Variants in GNAS observed in about 807,000 individuals in gnomAD.
The protein encoded by GNAS is GNAS complex locus, also known as protein ALEX.
A neutral mutation model predicts 54.5 loss-of-function variants in GNAS; 8 were observed. The observed-to-expected ratio is 0.15, with a 90% CI of 0.09 to 0.26. The LOEUF (loss-of-function observed/expected upper bound fraction) is 0.26. GNAS is among the 10% of genes least tolerant of loss of function. GNAS has a pLI of 1.00. For synonymous variants in GNAS, 204 were observed against 191.4 expected, an observed-to-expected ratio of 1.07 and a Z score of -0.54; for missense variants, 170 against 529.8, an observed-to-expected ratio of 0.32 and a Z score of 6.67.
rs6100251 is a variant in GNAS at position 58,847,187 on chromosome 20, C to T, written c.43+6301C>T. Reference sequence around the variant, plus strand: ...AGCTGAGTGAAGGGGTCTGAACTCACGATGGGGGCTTTTTAATCTGAGCAT... The same window carrying T: ...AGCTGAGTGAAGGGGTCTGAACTCATGATGGGGGCTTTTTAATCTGAGCAT... On this transcript the variant is annotated intron_variant, in intron 1 of 12. Transcript: ENST00000306090. Among the ~76,000 whole-genome samples the T allele has an allele frequency of 4.3e-3, 651 of 152,142 alleles. 5 individuals carry two copies. The highest frequency in any genetic ancestry group is 0.017 in the Middle Eastern group (5 of 294).
Position 58,891,678 on chromosome 20 carries a change from G to GCCCGCCGCCGCCGCAGCCCGGCCGCGC in GNAS, c.-34_-8dup, listed in dbSNP as rs756216026. ...TCCCGGCCCGCGTGAGGCCGCCCGC[G>GCCCGCCGCCGCCGCAGCCCGGCCGCGC]CCCGCCGCCGCCGCAGCCCGGCCGC... On this transcript the variant is annotated 5_prime_UTR_variant, in exon 1 of 13. Coordinates refer to ENST00000371085, the MANE Select transcript of GNAS (RefSeq NM_000516.7). 5.9e-5 allele frequency: 57 copies of GCCCGCCGCCGCCGCAGCCCGGCCGCGC among 963,514 alleles called. No homozygotes were observed. The highest frequency in any genetic ancestry group is 1.5e-4 in the African/African-American group (8 of 52,288). 59.7% of individuals were successfully genotyped at this position (963,514 alleles called of 1,614,324 possible).
chr20:58,889,267 C>T (rs982271945), upstream of GNAS: 3 of 1,044,212 alleles, frequency 2.9e-6, no homozygotes, highest in Admixed American at 5.3e-5. Flanking sequence ...TGCGGCGCGG[C>T]GGCTGGAGCG....
intron 1 of GNAS, chr20:58,867,619 T>A (rs2087140018): frequency 1.3e-5 from 2 of 152,210 alleles, no homozygotes; most frequent in Non-Finnish European, 1.5e-5. Context: ...GGGTTCTCAT[T>A]CCTGGGACCT....
Position 58,863,881 on chromosome 20 carries a change from G to A in GNAS, c.43+22995G>A, listed in dbSNP as rs909867568. 2.6e-5 allele frequency: 4 copies of A among 152,646 alleles called. No homozygotes were observed. The highest frequency in any genetic ancestry group is 9.7e-5 in the African/African-American group (4 of 41,444). 9.5% of individuals were successfully genotyped at this position (152,646 alleles called of 1,614,324 possible). ...CCTGCATTCAGGTAAGTTTGAAGCTGTGGGATATTTGAGGGGGAAAAAATG... is the reference window on the plus strand; with the variant it reads ...CCTGCATTCAGGTAAGTTTGAAGCTATGGGATATTTGAGGGGGAAAAAATG... On this transcript the variant is annotated intron_variant, in intron 1 of 12. Transcript: ENST00000306090. This position sits in a 1 kb window ranked among gnomAD's most constrained non-coding sequence, Gnocchi z 4.1.
chr20:58,854,393 G>C, intron 1 of GNAS: 2 of 1,566,436 alleles, frequency 1.3e-6, no homozygotes, highest in Non-Finnish European at 8.6e-7. Context: ...TACCCTCTCC[G>C]GGGTACGGAT....
chr20:58,882,302 C>T (rs2088284166), intron 1 of GNAS, among the ~76,000 whole-genome samples: 2 of 152,234 alleles, frequency 1.3e-5, no homozygotes, highest in African/African-American at 4.8e-5. Flanking sequence ...CGTGATCCGC[C>T]TGCCTCGGCC....
upstream of GNAS, among the ~76,000 whole-genome samples, chr20:58,890,463 A>G (rs867093131): frequency 6.7e-6 from 1 of 148,524 alleles, no homozygotes; most frequent in African/African-American, 2.5e-5. Context: ...TGGCGCGCTG[A>G]GCGCCCACCT....
At chr20:58,887,013 C>T (rs193087260), upstream of GNAS, among the ~76,000 whole-genome samples, 23 of 152,308 alleles carry the variant, frequency 1.5e-4, no homozygotes, top group African/African-American at 5.3e-4. Context: ...ACAATAGTCC[C>T]AATTGTGCCT....
chr20:58,878,260 CG>C (rs1481057314), intron 1 of GNAS, among the ~76,000 whole-genome samples: 1 of 152,208 alleles, frequency 6.6e-6, no homozygotes, highest in African/African-American at 2.4e-5. Context: ...CAAGGGGCAT[CG>C]GGCCCCGGCC....
chr20:58,902,725 C>CTTTTTTTTTTTTTTTTT lies in GNAS; in HGVS notation c.258-794_258-778dup, dbSNP rs60022134. 3.5e-4 allele frequency among the ~76,000 whole-genome samples: 24 copies of CTTTTTTTTTTTTTTTTT among 69,510 alleles called. 6 individuals carry two copies. Among genetic ancestry groups the CTTTTTTTTTTTTTTTTT allele is most frequent in the African/African-American group, 1.4e-3 (21 of 15,016 alleles). 45.6% of individuals were successfully genotyped at this position (69,510 alleles called of 152,430 possible). A position where few individuals can be genotyped will look rare whatever the true frequency, so the allele number is the denominator to read the frequency against. On this transcript the variant is annotated intron_variant, in intron 3 of 12. Coordinates refer to ENST00000371085, the MANE Select transcript of GNAS (RefSeq NM_000516.7). ...AGTGCCTGGAGCATCGCACATACGA[C>CTTTTTTTTTTTTTTTTT]TTTTTTTTTTTTTTTTTTTTTTTTT...
chr20:58,893,313 T>G (rs2089703356), intron 1 of GNAS, among the ~76,000 whole-genome samples: 2 of 152,170 alleles, frequency 1.3e-5, no homozygotes, highest in African/African-American at 4.8e-5. Context: ...TTTTTTTTCT[T>G]AAGGTGCTGT....
At chr20:58,852,754 A>C (rs986160490) in intron 1 of GNAS, 4 of 216,624 alleles carry the variant, frequency 1.8e-5, no homozygotes, top group African/African-American at 9.0e-5. Flanking sequence ...GGAAGGAGCC[A>C]AAACGTCCCT....
At chr20:58,852,985 T>G in intron 1 of GNAS, 2 of 1,222,254 alleles carry the variant, frequency 1.6e-6, no homozygotes, top group Non-Finnish European at 2.0e-6. Context: ...GGCGTAAGGA[T>G]AGACCAAGGA....
At chr20:58,892,203 G>T (rs1427178694) in intron 1 of GNAS, 2 of 978,060 alleles carry the variant, frequency 2.0e-6, no homozygotes, top group African/African-American at 3.5e-5. Flanking sequence ...CGACGCCAGG[G>T]GTTTGGGTGC....
intron 3 of GNAS, 177 bp from the exon 4 acceptor site, chr20:58,903,354 G>T: frequency 1.4e-6 from 1 of 703,728 alleles, no homozygotes; most frequent in Non-Finnish European, 2.6e-6. Flanking sequence ...GCACATTTGG[G>T]AGGTTATAAT....
intron 3 of GNAS, among the ~76,000 whole-genome samples, chr20:58,902,759 A>G (rs2146161167): frequency 1.0e-4 from 4 of 39,868 alleles, no homozygotes; most frequent in African/African-American, 9.1e-5. Context: ...TTTTTGACAG[A>G]GTCTCACTCT....
chr20:58,901,780 G>C (rs115496638), intron 3 of GNAS, among the ~76,000 whole-genome samples: 3,232 of 151,820 alleles, frequency 0.021, 126 homozygotes, highest in African/African-American at 0.073. Flanking sequence ...AGAAAGGAAA[G>C]ACCAAATGAT....
intron 3 of GNAS, chr20:58,900,318 AC>A (rs1411470211): frequency 3.4e-6 from 1 of 294,980 alleles, no homozygotes; most frequent in African/African-American, 2.1e-5. Flanking sequence ...CCCTACTAAT[AC>A]CTTGGCCTGC....
Position 58,854,400 on chromosome 20 carries a change from G to C in GNAS, c.43+13514G>C, listed in dbSNP as rs587778389. 2.3e-4 allele frequency: 359 copies of C among 1,566,086 alleles called. No individual in the cohort carries two copies. Among genetic ancestry groups the C allele is most frequent in the Non-Finnish European group, 2.8e-4 (327 of 1,156,666 alleles). ...AGGAAAAGTACCCTCTCCGGGGTAC[G>C]GATCCCCTGCCGCCGGGGCAGCCTC... On this transcript the variant is annotated intron_variant, in intron 1 of 12. Coordinates refer to the GNAS transcript ENST00000306090.
Sources: allele counts gnomAD v4.1 joint callset (sites outside exome capture counted in the v4.1 genomes callset), GRCh38; gene constraint gnomAD v4.1.1; non-coding constraint Gnocchi (gnomAD v3.1); transcripts MANE v1.5; gene names NCBI Gene and HGNC (gene_info 2026-07-23, HGNC 2026-07-21).